Variants in IRS1 observed in about 807,000 individuals in gnomAD.
The protein encoded by IRS1 is insulin receptor substrate 1.
A neutral mutation model predicts 65.6 loss-of-function variants in IRS1; 34 were observed. The ratio of observed to expected loss-of-function variants is 0.52; its 90% CI spans 0.39 to 0.69. The LOEUF (loss-of-function observed/expected upper bound fraction) is 0.69, where lower values mean the gene tolerates loss of function less well. IRS1 is among the 30% of genes least tolerant of loss of function. The pLI, the probability that IRS1 is intolerant of heterozygous loss-of-function variation, is 0.00. For missense variants in IRS1, 1,641 were observed against 1,720.2 expected, an observed-to-expected ratio of 0.95 and a Z score of 0.81; for synonymous variants, 699 against 683.5, an observed-to-expected ratio of 1.02 and a Z score of -0.35.
At chr2:226,743,203 G>C (rs1479228461) in intron 1 of IRS1, among the ~76,000 whole-genome samples, 2 of 151,142 alleles carry the variant, frequency 1.3e-5, no homozygotes, top group Non-Finnish European at 2.9e-5. Context: ...TTTCAAGTCA[G>C]ACCACACGTA....
rs759499522 is a variant in IRS1 at position 226,794,974 on chromosome 2, C to T, written c.*21+15G>A. On this transcript the variant is annotated intron_variant, in intron 1 of 1. Transcript: ENST00000305123. The surrounding 1 kb of genome is among the most constrained non-coding windows in gnomAD (Gnocchi z 4.1). The stretch of plus-strand genomic sequence containing the variant: ...AAGCAGTTTTGTCTTCTGACTTTGT[C>T]ACCATGAAACGCACCTGCTGTGATG... The T allele has an allele frequency of 5.0e-6, 8 of 1,610,652 alleles. No individual in the cohort carries two copies. Among genetic ancestry groups the T allele is most frequent in the Non-Finnish European group, 6.8e-6 (8 of 1,177,814 alleles).
At position 226,796,267 on chromosome 2, in the gene IRS1, C is replaced by A. The variant is rs1430054231; in HGVS notation, c.2472G>T (p.Arg824Ser). 3 of 1,613,478 alleles carry A rather than the reference C, an allele frequency of 1.9e-6. No individual in the cohort carries two copies. Among genetic ancestry groups the A allele is most frequent in the Non-Finnish European group, 2.5e-6 (3 of 1,180,020 alleles). Residue 824 changes from arginine (R) to serine (S), a missense_variant, in exon 1 of 2, where the codon AGG becomes AGT. Around this residue, in one of 3 missense-constraint regions of IRS1, gnomAD observed 1,324 missense variants for 1,361.0 expected, o/e 0.97. Transcript: ENST00000305123. ...GGGGATGTGGAAGGCTGGGCTCCAG[C>A]CTAGCCCCGCAGTATCCCCCACCCA... ...DSLGGGYCGA[R>S]LEPSLPHPHH...
At chr2:226,766,627 T>A (rs1939053899) in intron 1 of IRS1, among the ~76,000 whole-genome samples, 1 of 152,146 alleles carries the variant, frequency 6.6e-6, no homozygotes, top group South Asian at 2.1e-4. Context: ...TATGAAATGC[T>A]GCATCTTTCA....
intron 1 of IRS1, among the ~76,000 whole-genome samples, chr2:226,779,652 A>G (rs1042714029): frequency 6.5e-4 from 99 of 152,374 alleles, no homozygotes; most frequent in African/African-American, 2.3e-3. Flanking sequence ...TGGGTTTCAT[A>G]CCCAAATGTG....
intron 1 of IRS1, among the ~76,000 whole-genome samples, chr2:226,760,997 T>C (rs1226513413): frequency 6.6e-6 from 1 of 152,178 alleles, no homozygotes; most frequent in African/African-American, 2.4e-5. Context: ...TAGACCTCTG[T>C]CCTCTTCAGA....
chr2:226,786,079 T>A (rs1458274718), intron 1 of IRS1, among the ~76,000 whole-genome samples: 1 of 126,216 alleles, frequency 7.9e-6, no homozygotes, highest in African/African-American at 3.1e-5. Flanking sequence ...GCACTCGTCC[T>A]TTTTTATGGC....
intron 1 of IRS1, among the ~76,000 whole-genome samples, chr2:226,789,716 T>C (rs1277352986): frequency 6.6e-6 from 1 of 152,146 alleles, no homozygotes; most frequent in Non-Finnish European, 1.5e-5. Context: ...AGGGGTGGGA[T>C]GTTTCTGAGA....
chr2:226,738,792 A>T (rs1057196434), intron 1 of IRS1, among the ~76,000 whole-genome samples: 3 of 152,200 alleles, frequency 2.0e-5, no homozygotes, highest in Non-Finnish European at 4.4e-5. Flanking sequence ...CTGGGCCTCT[A>T]ATTAGGCAGG....
chr2:226,740,209 C>T (rs898275717), intron 1 of IRS1, among the ~76,000 whole-genome samples: 1 of 152,178 alleles, frequency 6.6e-6, no homozygotes, highest in African/African-American at 2.4e-5. Flanking sequence ...TACAATGCAC[C>T]TGTCACGAGA....
Position 226,748,794 on chromosome 2 carries a change from G to T in IRS1, c.*22-12544C>A, listed in dbSNP as rs73083610. Among the ~76,000 whole-genome samples, 838 of 152,262 alleles carry T rather than the reference G, an allele frequency of 5.5e-3. 5 individuals carry two copies. The highest frequency in any genetic ancestry group is 0.019 in the African/African-American group (773 of 41,546). On this transcript the variant is annotated intron_variant, in intron 1 of 1. Transcript: ENST00000305123. ...TTAATATTGACAAAAAACAGCAAAG[G>T]GGGGATGCTCGGGGCACATATATCA...
intron 1 of IRS1, among the ~76,000 whole-genome samples, chr2:226,763,970 G>A (rs529433642): frequency 2.0e-5 from 3 of 151,922 alleles, no homozygotes; most frequent in African/African-American, 4.8e-5. Flanking sequence ...TTGTATGACC[G>A]TTGTATAGTA....
chr2:226,793,351 A>T (rs754188337), intron 1 of IRS1, among the ~76,000 whole-genome samples: 2 of 152,224 alleles, frequency 1.3e-5, no homozygotes, highest in African/African-American at 2.4e-5. Flanking sequence ...ACAAATGCTT[A>T]AAGTGTTGAG....
At position 226,732,794 on chromosome 2, in the gene IRS1, C is replaced by G. The variant is rs1242107066; in HGVS notation, c.*3478G>C. On this transcript the variant is annotated 3_prime_UTR_variant, in exon 2 of 2. Transcript: ENST00000305123. Reference sequence around the variant, plus strand: ...ATGGCATCCTAGGAACATTAACTCCCCTGTCAAGTCATTGCAAAGAAGAAA... The same window carrying G: ...ATGGCATCCTAGGAACATTAACTCCGCTGTCAAGTCATTGCAAAGAAGAAA... 1.3e-5 allele frequency: 2 copies of G among 151,932 alleles called. No individual in the cohort carries two copies. The highest frequency in any genetic ancestry group is 1.9e-4 in the East Asian group (1 of 5,176). 9.4% of individuals were successfully genotyped at this position (151,932 alleles called of 1,614,324 possible).
In IRS1 at chr2:226,795,667, C is replaced by T. The variant is rs1939703290; in HGVS notation, c.3072G>A (p.Val1024=). 1.9e-6 allele frequency: 3 copies of T among 1,613,134 alleles called. No homozygotes were observed. The highest frequency in any genetic ancestry group is 1.7e-5 in the Admixed American group (1 of 60,030). The change falls in exon 1 of 2, where the codon GTG becomes GTA. Residue 1024 remains valine, a synonymous_variant. Coordinates refer to ENST00000305123, the MANE Select transcript of IRS1 (RefSeq NM_005544.3). The stretch of plus-strand genomic sequence containing the variant: ...CAGCCATGGTGGCCCTGGGCAGGCT[C>T]ACCTCCTCTGCAGCAATGCCTGTTC... ...DMRTGIAAEE[V]SLPRATMAAA... is the part of the protein sequence containing the mutation.
chr2:226,750,002 C>T (rs1180435879), intron 1 of IRS1, among the ~76,000 whole-genome samples: 1 of 152,110 alleles, frequency 6.6e-6, no homozygotes, highest in African/African-American at 2.4e-5. Context: ...GTAATCTCAG[C>T]ATTTTGGGAG....
intron 1 of IRS1, among the ~76,000 whole-genome samples, chr2:226,781,698 C>A (rs1382424749): frequency 6.6e-6 from 1 of 152,048 alleles, no homozygotes; most frequent in Non-Finnish European, 1.5e-5. Flanking sequence ...GTTCAAAGGC[C>A]CAAGAAACAA....
At chr2:226,761,056 A>G (rs1424972836) in intron 1 of IRS1, among the ~76,000 whole-genome samples, 3 of 152,172 alleles carry the variant, frequency 2.0e-5, no homozygotes, top group Non-Finnish European at 4.4e-5. Context: ...GGAATTGCTG[A>G]TGTTTTCCAT....
At chr2:226,787,763 CAT>C (rs1419637068) in intron 1 of IRS1, among the ~76,000 whole-genome samples, 1 of 152,040 alleles carries the variant, frequency 6.6e-6, no homozygotes, top group Non-Finnish European at 1.5e-5. Context: ...CAAGGGTAAA[CAT>C]AATTATTTTT....
chr2:226,789,710 G>A (rs767275660), intron 1 of IRS1, among the ~76,000 whole-genome samples: 1 of 152,184 alleles, frequency 6.6e-6, no homozygotes, highest in Non-Finnish European at 1.5e-5. Flanking sequence ...GTGGGGAGGG[G>A]TGGGATGTTT....
Sources: gnomAD v4.1 joint callset for allele counts (sites outside exome capture counted in the v4.1 genomes callset) on GRCh38, gnomAD v4.1.1 for gene constraint, gnomAD v4.1.1 regional missense constraint, Gnocchi (gnomAD v3.1) non-coding constraint, MANE v1.5 for transcripts, NCBI Gene and HGNC (gene_info 2026-07-23, HGNC 2026-07-21) for gene names.